PCGF3: variants seen among roughly 807,000 people sequenced by gnomAD.
PCGF3 encodes polycomb group ring finger 3.
A neutral mutation model predicts 33.1 loss-of-function variants in PCGF3; 7 were observed. That is an observed-to-expected ratio of 0.21 (90% CI 0.12 to 0.40). The LOEUF (loss-of-function observed/expected upper bound fraction) is 0.40. Ranked by LOEUF, PCGF3 falls within the 10% of genes least tolerant of loss-of-function variation. The pLI is 1.00. For missense variants in PCGF3, 211 were observed against 313.3 expected (o/e 0.67, Z 2.46); for synonymous variants, 153 against 121.3 (o/e 1.26, Z -1.72).
In PCGF3 at chr4:709,632, T is replaced by C. The variant is rs534887718; in HGVS notation, c.-190+3662T>C. Reference sequence around the variant, plus strand: ...TCCCCTCGGATTAGGCGTGCGGGCTTGCCTGGAAGTTGGGCAGTACAATGA... The same window carrying C: ...TCCCCTCGGATTAGGCGTGCGGGCTCGCCTGGAAGTTGGGCAGTACAATGA... On this transcript the variant is annotated intron_variant, in intron 1 of 10. Transcript: ENST00000362003. Among the ~76,000 whole-genome samples, 3 of 152,402 alleles carry C rather than the reference T, an allele frequency of 2.0e-5. No homozygotes were observed. In the South Asian group the frequency reaches 6.2e-4, roughly 32 times the overall value.
At chr4:742,076 A>T (rs1345691966) in intron 6 of PCGF3, among the ~76,000 whole-genome samples, 1 of 150,612 alleles carries the variant, frequency 6.6e-6, no homozygotes, top group Non-Finnish European at 1.5e-5. Flanking sequence ...CACTCCATCC[A>T]CCTGCGGCCG....
chr4:757,227 G>A (rs1038148907), intron 8 of PCGF3: 1 of 141,704 alleles, frequency 7.1e-6, no homozygotes, highest in Non-Finnish European at 1.5e-5. Context: ...ATGCAGGCCC[G>A]CGTTCATCTG....
chr4:766,429 C>A (rs914070134), exon 11 of PCGF3: 3 of 203,792 alleles, frequency 1.5e-5, no homozygotes, highest in Admixed American at 6.0e-5. Flanking sequence ...GAATTCACTT[C>A]AGTTTAGTTT....
At chr4:712,073 CT>C (rs2109513735) in intron 1 of PCGF3, among the ~76,000 whole-genome samples, 1 of 152,080 alleles carries the variant, frequency 6.6e-6, no homozygotes, top group South Asian at 2.1e-4. Context: ...ATGATACTTG[CT>C]GTTAATATAG....
At chr4:740,407 C>G (rs1181471342) in intron 6 of PCGF3, among the ~76,000 whole-genome samples, 1 of 152,176 alleles carries the variant, frequency 6.6e-6, no homozygotes, top group Non-Finnish European at 1.5e-5. Flanking sequence ...TTCGTAGAGG[C>G]AACATGTTTA....
chr4:765,072 A>T lies in PCGF3; in HGVS notation c.681+8A>T, dbSNP rs749164360. ...ACTAGGTGGAGATTCAAGGTGAGAC[A>T]CGTGATTTGATTTTCAGAGTCTGCT... On this transcript the variant is annotated splice_region_variant and intron_variant, in intron 10 of 10. Coordinates refer to ENST00000362003, the Ensembl canonical transcript of PCGF3. 5 of 1,596,576 alleles carry T rather than the reference A, an allele frequency of 3.1e-6. No individual in the cohort carries two copies. In the Admixed American group the frequency reaches 8.3e-5, roughly 27 times the overall value.
At chr4:729,178 G>T (rs1405388213) in intron 1 of PCGF3, among the ~76,000 whole-genome samples, 1 of 150,464 alleles carries the variant, frequency 6.6e-6, no homozygotes. Flanking sequence ...ACTTTGGGAG[G>T]CTGAGGCGGG....
At chr4:718,464 G>A (rs1294604792) in intron 1 of PCGF3, among the ~76,000 whole-genome samples, 1 of 152,172 alleles carries the variant, frequency 6.6e-6, no homozygotes, top group African/African-American at 2.4e-5. Context: ...TTGTATGAAC[G>A]CAAATATTTG....
At chr4:742,384 G>C (rs1001572131) in intron 6 of PCGF3, among the ~76,000 whole-genome samples, 7 of 152,228 alleles carry the variant, frequency 4.6e-5, no homozygotes, top group African/African-American at 1.7e-4. Flanking sequence ...CCCTGGCCTG[G>C]CCGAGCTCAT....
intron 9 of PCGF3, 139 bp from the exon 10 acceptor site, chr4:764,845 C>G (rs952098195): frequency 1.6e-6 from 1 of 624,572 alleles, no homozygotes. Flanking sequence ...AATACATGAA[C>G]CAGCCCCCCC....
exon 11 of PCGF3, chr4:768,043 G>C (rs553196385): frequency 1.3e-5 from 2 of 152,772 alleles, no homozygotes; most frequent in South Asian, 4.1e-4. Flanking sequence ...GAATATCATT[G>C]TAATAATCTC....
At chr4:765,106 C>G (rs778103778) in intron 10 of PCGF3, 42 bp downstream of exon 10, 1 of 1,381,714 alleles carries the variant, frequency 7.2e-7, no homozygotes, top group Non-Finnish European at 1.0e-6. Context: ...CTCTGAATGG[C>G]AGTGACTTTG....
chr4:730,850 G>T lies in PCGF3; in HGVS notation c.-150-120G>T, dbSNP rs564789032. 3.5e-5 allele frequency: 14 copies of T among 395,780 alleles called. No individual in the cohort carries two copies. In the South Asian group the frequency reaches 2.0e-3, roughly 57 times the overall value. 24.5% of individuals were successfully genotyped at this position (395,780 alleles called of 1,614,324 possible). ...TTTCTCCCGGTCAGTACTTCTGATT[G>T]ACCCCATTCCGCCCTTTGCTCGGTA... On this transcript the variant is annotated intron_variant, in intron 2 of 10. Coordinates refer to ENST00000362003, the Ensembl canonical transcript of PCGF3.
chr4:743,516 T>C, exon 7 of PCGF3: 1 of 1,613,782 alleles, frequency 6.2e-7, no homozygotes, highest in Non-Finnish European at 8.5e-7. Flanking sequence ...AAATTGGGCA[T>C]GGAGGTGCCG....
chr4:716,938 G>C (rs1176118766), intron 1 of PCGF3, among the ~76,000 whole-genome samples: 2 of 135,026 alleles, frequency 1.5e-5, no homozygotes, highest in South Asian at 2.7e-4. Flanking sequence ...CTGGGACCCT[G>C]TAGACACTGT....
chr4:755,007 C>G (rs1050239588), intron 8 of PCGF3, among the ~76,000 whole-genome samples: 4 of 152,214 alleles, frequency 2.6e-5, no homozygotes, highest in Non-Finnish European at 5.9e-5. Flanking sequence ...CCCAGGCAGG[C>G]CGATGTGTAG....
At chr4:706,201 GCC>G (rs1560191741) in intron 1 of PCGF3, among the ~76,000 whole-genome samples, 2 of 124,086 alleles carry the variant, frequency 1.6e-5, no homozygotes, top group African/African-American at 5.9e-5. Context: ...AGGGCCAAGA[GCC>G]CAGCCCAGGC....
At position 756,873 on chromosome 4, in the gene PCGF3, A is replaced by T. The variant is rs547532180; in HGVS notation, c.463-4406A>T. On this transcript the variant is annotated intron_variant, in intron 8 of 10. Coordinates refer to ENST00000362003, the Ensembl canonical transcript of PCGF3. ...GAAACCATCTGAGACTGCCATGGCG[A>T]TGATCGAGAAAGTCTGTGAATTTAC... 5.3e-5 allele frequency: 8 copies of T among 152,328 alleles called. No homozygotes were observed. In the South Asian group the frequency reaches 1.7e-3, roughly 32 times the overall value. The allele number at this position is 152,328 out of a possible 1,614,324, so 9.4% of individuals were successfully genotyped here. A position where few individuals can be genotyped will look rare whatever the true frequency, so the allele number is the denominator to read the frequency against.
chr4:716,952 T>G lies in PCGF3; in HGVS notation c.-190+10982T>G, dbSNP rs1205405602. On this transcript the variant is annotated intron_variant, in intron 1 of 10. Coordinates refer to ENST00000362003, the Ensembl canonical transcript of PCGF3. ...GCTGGGACCCTGTAGACACTGTGAG[T>G]GTGAGAACTGGGCGTCGGTGCTGGG... Among the ~76,000 whole-genome samples the G allele has an allele frequency of 5.7e-5, 8 of 141,532 alleles. No individual in the cohort carries two copies. In the South Asian group the frequency reaches 1.2e-3, roughly 22 times the overall value. The allele number at this position is 141,532 out of a possible 152,430, so 92.9% of individuals were successfully genotyped here. A position where few individuals can be genotyped will look rare whatever the true frequency, so the allele number is the denominator to read the frequency against.
Sources: allele counts gnomAD v4.1 joint callset (sites outside exome capture counted in the v4.1 genomes callset), GRCh38; gene constraint gnomAD v4.1.1; transcripts MANE v1.5; gene names NCBI Gene and HGNC (gene_info 2026-07-23, HGNC 2026-07-21).